The following PDSS2 variants were observed in gnomAD, a reference collection of about 807,000 sequenced individuals.
PDSS2 encodes the protein decaprenyl diphosphate synthase subunit 2, also known as all trans-polyprenyl-diphosphate synthase PDSS2.
Under a neutral mutation model 44.5 loss-of-function variants are expected in PDSS2, and 31 were observed. That is an observed-to-expected ratio of 0.70 (90% CI 0.52 to 0.94). The LOEUF (loss-of-function observed/expected upper bound fraction) is 0.94. Among genes scored for constraint, PDSS2 ranks in the 40% least tolerant of loss-of-function variants. The probability of loss-of-function intolerance (pLI) is 0.00; values close to 1 mark genes in which losing one functional copy is unlikely to be tolerated. For synonymous variants in PDSS2, 157 were observed against 180.3 expected (o/e 0.87, Z 1.03); for missense variants, 452 against 482.2 (o/e 0.94, Z 0.59).
At chr6:107,377,393 C>A (rs1448404558) in intron 1 of PDSS2, among the ~76,000 whole-genome samples, 1 of 152,142 alleles carries the variant, frequency 6.6e-6, no homozygotes, top group African/African-American at 2.4e-5. Flanking sequence ...ACAACAGGTG[C>A]TGGAGAGGAT....
chr6:107,282,227 T>C (rs558335920), intron 2 of PDSS2, among the ~76,000 whole-genome samples: 9 of 152,202 alleles, frequency 5.9e-5, no homozygotes, highest in African/African-American at 2.2e-4. Context: ...ATAAAGGCTA[T>C]AGGGCATCAC....
At chr6:107,372,077 A>G (rs1057202204) in intron 1 of PDSS2, among the ~76,000 whole-genome samples, 1 of 152,200 alleles carries the variant, frequency 6.6e-6, no homozygotes, top group Non-Finnish European at 1.5e-5. Flanking sequence ...TAGGCTTTTA[A>G]AAGATTCAAT....
At chr6:107,387,176 T>C (rs1180445536) in intron 1 of PDSS2, among the ~76,000 whole-genome samples, 1 of 152,192 alleles carries the variant, frequency 6.6e-6, no homozygotes, top group Non-Finnish European at 1.5e-5. Flanking sequence ...GGAAAGTTCA[T>C]TGTTCCCCAG....
chr6:107,293,094 T>G (rs953108526), intron 2 of PDSS2, among the ~76,000 whole-genome samples: 1 of 152,176 alleles, frequency 6.6e-6, no homozygotes, highest in African/African-American at 2.4e-5. Context: ...CTTCCTGACA[T>G]GAATTCCAAT....
chr6:107,197,832 C>T (rs1334586668), intron 6 of PDSS2: 4 of 470,952 alleles, frequency 8.5e-6, no homozygotes, highest in African/African-American at 2.0e-5. Context: ...GCTTATCATG[C>T]GGTGCTTAAG....
chr6:107,261,812 C>T, intron 3 of PDSS2, among the ~76,000 whole-genome samples: 1 of 150,814 alleles, frequency 6.6e-6, no homozygotes, highest in Non-Finnish European at 1.5e-5. Context: ...CTCCTGACCT[C>T]AGGTGATCAA....
chr6:107,242,426 C>T (rs1468305154), intron 4 of PDSS2, among the ~76,000 whole-genome samples: 2 of 152,122 alleles, frequency 1.3e-5, no homozygotes, highest in Middle Eastern at 3.4e-3. Context: ...ACTGTGCCCG[C>T]CTAATTTTTT....
At chr6:107,360,025 A>G (rs762682908) in intron 1 of PDSS2, among the ~76,000 whole-genome samples, 1 of 152,146 alleles carries the variant, frequency 6.6e-6, no homozygotes, top group Non-Finnish European at 1.5e-5. Context: ...TGTTTCACCC[A>G]TCCAGTGACC....
intron 7 of PDSS2, among the ~76,000 whole-genome samples, chr6:107,186,476 G>GAT (rs1562360501): frequency 6.7e-6 from 1 of 150,308 alleles, no homozygotes; most frequent in Non-Finnish European, 1.5e-5. Flanking sequence ...TAATTATATA[G>GAT]TTTTTTTTTT....
chr6:107,325,517 C>G (rs1320774019), intron 2 of PDSS2, among the ~76,000 whole-genome samples: 1 of 152,124 alleles, frequency 6.6e-6, no homozygotes, highest in Non-Finnish European at 1.5e-5. Flanking sequence ...AAAAGCTAAT[C>G]TAAAGATAGC....
At position 107,233,098 on chromosome 6, in the gene PDSS2, T is replaced by TCCTG. The variant is rs1774107254; in HGVS notation, c.702+12449_702+12450insCAGG. Among the ~76,000 whole-genome samples the TCCTG allele has an allele frequency of 3.3e-5, 5 of 152,232 alleles. No homozygotes were observed. In the South Asian group the frequency reaches 1.0e-3, roughly 32 times the overall value. ...TCCTAAAGTGCTGGGATTACAGATG[T>TCCTG]GAGCCACTGCGCTGGGTCCAATAGT... On this transcript the variant is annotated intron_variant, in intron 4 of 7. Transcript: ENST00000369037.
chr6:107,183,693 T>C (rs1772063954), intron 7 of PDSS2, among the ~76,000 whole-genome samples: 1 of 151,432 alleles, frequency 6.6e-6, no homozygotes. Flanking sequence ...AGGTCAGGAG[T>C]TGGAGACCAA....
intron 3 of PDSS2, among the ~76,000 whole-genome samples, chr6:107,255,059 C>T (rs1401402020): frequency 2.0e-5 from 3 of 151,148 alleles, no homozygotes; most frequent in Admixed American, 6.6e-5. Context: ...TTACTAGAGA[C>T]GGGGTTTCAC....
chr6:107,411,896 T>G (rs1476507298), intron 1 of PDSS2, among the ~76,000 whole-genome samples: 2 of 148,144 alleles, frequency 1.4e-5, no homozygotes, highest in Non-Finnish European at 3.0e-5. Context: ...TTTTTTTTTT[T>G]TTTTTTGAGA....
chr6:107,378,406 A>C (rs1779356790), intron 1 of PDSS2, among the ~76,000 whole-genome samples: 1 of 152,160 alleles, frequency 6.6e-6, no homozygotes, highest in South Asian at 2.1e-4. Flanking sequence ...TGAGTTTAGC[A>C]AGGTTGTATG....
intron 6 of PDSS2, among the ~76,000 whole-genome samples, chr6:107,198,330 G>A (rs987121621): frequency 1.3e-5 from 2 of 152,176 alleles, no homozygotes; most frequent in Admixed American, 6.6e-5. Context: ...AGCTGAGAGA[G>A]TAGAAGCCTA....
intron 1 of PDSS2, among the ~76,000 whole-genome samples, chr6:107,452,298 C>T (rs550136697): frequency 6.6e-6 from 1 of 151,782 alleles, no homozygotes; most frequent in South Asian, 2.1e-4. Context: ...AGTGCAGTGC[C>T]GCGATCTCAC....
At chr6:107,329,514 T>A (rs1375479938) in intron 2 of PDSS2, among the ~76,000 whole-genome samples, 1 of 152,152 alleles carries the variant, frequency 6.6e-6, no homozygotes, top group Non-Finnish European at 1.5e-5. Flanking sequence ...TCCCTGTATA[T>A]GCATATCTAT....
chr6:107,455,219 T>C (rs576989147), intron 1 of PDSS2, among the ~76,000 whole-genome samples: 206 of 148,924 alleles, frequency 1.4e-3, no homozygotes, highest in Non-Finnish European at 2.6e-3. Context: ...AACTTTCATC[T>C]AGGATGCCTC....
Sources: gnomAD v4.1 joint callset for allele counts (sites outside exome capture counted in the v4.1 genomes callset) on GRCh38, gnomAD v4.1.1 for gene constraint, MANE v1.5 for transcripts, NCBI Gene and HGNC (gene_info 2026-07-23, HGNC 2026-07-21) for gene names.